Variants in CEACAM5 observed in about 807,000 individuals in gnomAD.
CEACAM5 encodes cell adhesion molecule CEACAM5.
A neutral mutation model predicts 63.0 loss-of-function variants in CEACAM5; 52 were observed. The ratio of observed to expected loss-of-function variants is 0.83; its 90% CI spans 0.66 to 1.04. CEACAM5 has a LOEUF of 1.04. Among genes scored for constraint, CEACAM5 ranks in the 50% least tolerant of loss-of-function variants. The pLI is 0.00. For missense variants in CEACAM5, 790 were observed against 864.8 expected, an observed-to-expected ratio of 0.91 and a Z score of 1.08; for synonymous variants, 357 against 351.3, an observed-to-expected ratio of 1.02 and a Z score of -0.18.
chr19:41,723,374 G>A (rs1401471836), intron 8 of CEACAM5, among the ~76,000 whole-genome samples: 2 of 152,166 alleles, frequency 1.3e-5, no homozygotes, highest in Non-Finnish European at 2.9e-5. Context: ...GTGAGGTGGA[G>A]TATCATTGTG....
At chr19:41,725,720 T>G (rs782440864) in intron 8 of CEACAM5, among the ~76,000 whole-genome samples, 3 of 152,230 alleles carry the variant, frequency 2.0e-5, no homozygotes, top group Non-Finnish European at 4.4e-5. Context: ...TTTTTCTTAG[T>G]CAATCTAATA....
rs928190611 is a variant in CEACAM5 at position 41,721,010 on chromosome 19, C to T, written c.1860C>T (p.Asn620=). The T allele has an allele frequency of 9.3e-6, 15 of 1,614,190 alleles. No individual in the cohort carries two copies. The highest frequency in any genetic ancestry group is 1.3e-5 in the Non-Finnish European group (15 of 1,180,044). Residue 620 remains asparagine, a synonymous_variant, in exon 8 of 10, where the codon AAC becomes AAT. Coordinates refer to ENST00000221992, the MANE Select transcript of CEACAM5 (RefSeq NM_004363.6). ...ACCTCTCCTGCCACTCGGCCTCTAA[C>T]CCATCCCCGCAGTATTCTTGGCGTA... is the stretch of plus-strand genomic sequence containing the variant. ...NLNLSCHSAS[N]PSPQYSWRIN... is the part of the protein sequence containing the mutation.
chr19:41,723,155 G>A (rs1356047439), intron 8 of CEACAM5, among the ~76,000 whole-genome samples: 9 of 151,874 alleles, frequency 5.9e-5, no homozygotes, highest in South Asian at 2.1e-4. Context: ...CTCGTGATCC[G>A]CCTGCCTTGG....
chr19:41,711,221 G>C (rs1163002896), intron 2 of CEACAM5, among the ~76,000 whole-genome samples: 1 of 152,074 alleles, frequency 6.6e-6, no homozygotes, highest in South Asian at 2.1e-4. Context: ...CAACAGTCAG[G>C]GTCAGTGCCG....
In CEACAM5 at chr19:41,715,830, G is replaced by A. The variant is rs1600462781; in HGVS notation, c.884G>A (p.Gly295Glu). 2 of 1,614,126 alleles carry A rather than the reference G, an allele frequency of 1.2e-6. No homozygotes were observed. The highest frequency in any genetic ancestry group is 1.7e-6 in the Non-Finnish European group (2 of 1,180,006). The change falls in exon 4 of 10, where the codon GGA becomes GAA. Residue 295 changes from glycine to glutamate, a missense_variant. Physicochemically the swap from Gly to Glu is moderately conservative, Grantham distance 98 (BLOSUM62 -2). Transcript: ENST00000221992. ...FIPNITVNNS[G>E]SYTCQAHNSD... ...CCCAACATCACTGTGAATAATAGTG[G>A]ATCCTATACGTGCCAAGCCCATAAC...
At chr19:41,724,123 T>C (rs971526083) in intron 8 of CEACAM5, among the ~76,000 whole-genome samples, 9 of 152,174 alleles carry the variant, frequency 5.9e-5, no homozygotes, top group African/African-American at 1.9e-4. Flanking sequence ...TTTAGGTCTT[T>C]GATCCATTTT....
intron 9 of CEACAM5, among the ~76,000 whole-genome samples, chr19:41,728,448 T>C (rs1342112505): frequency 2.0e-5 from 3 of 152,068 alleles, no homozygotes; most frequent in African/African-American, 7.2e-5. Flanking sequence ...TCTAAATAGG[T>C]AGGACTTGGG....
intron 4 of CEACAM5, among the ~76,000 whole-genome samples, chr19:41,716,449 G>A (rs953786738): frequency 6.6e-6 from 1 of 152,230 alleles, no homozygotes; most frequent in Non-Finnish European, 1.5e-5. Context: ...TGTGGAGAAG[G>A]AGCCCGGGTG....
chr19:41,728,423 A>AT (rs1568714413), intron 9 of CEACAM5, among the ~76,000 whole-genome samples: 1 of 152,212 alleles, frequency 6.6e-6, no homozygotes, highest in Non-Finnish European at 1.5e-5. Flanking sequence ...TGTAGCCAGG[A>AT]TGGAGAAACC....
At chr19:41,713,832 C>T (rs963752644) in intron 2 of CEACAM5, among the ~76,000 whole-genome samples, 9 of 152,228 alleles carry the variant, frequency 5.9e-5, no homozygotes, top group Non-Finnish European at 1.2e-4. Flanking sequence ...TTCCACCAGT[C>T]AGTTCTGCAT....
At chr19:41,724,041 T>C (rs183335525) in intron 8 of CEACAM5, among the ~76,000 whole-genome samples, 74 of 152,310 alleles carry the variant, frequency 4.9e-4, no homozygotes, top group Non-Finnish European at 3.8e-4. Flanking sequence ...AAGACATGAC[T>C]GTGAAATTAA....
intron 8 of CEACAM5, among the ~76,000 whole-genome samples, chr19:41,721,679 G>A (rs2059987307): frequency 6.6e-6 from 1 of 152,252 alleles, no homozygotes; most frequent in Admixed American, 6.5e-5. Flanking sequence ...CCCGGTGACT[G>A]GCTCTGCCCT....
chr19:41,719,780 C>T (rs2072587699), intron 6 of CEACAM5, 150 bp from the exon 7 acceptor site: 11 of 1,412,726 alleles, frequency 7.8e-6, no homozygotes, highest in African/African-American at 4.3e-5. Flanking sequence ...CTCAGATCAT[C>T]GTACATCTGT....
chr19:41,715,520 T>C (rs1568703692), intron 3 of CEACAM5, 130 bp from the exon 4 acceptor site: 3 of 1,288,784 alleles, frequency 2.3e-6, no homozygotes, highest in Non-Finnish European at 3.3e-6. Context: ...GCTCAGTAGA[T>C]ACAAGAGGGG....
chr19:41,719,083 G>C (rs1278187103), intron 6 of CEACAM5, among the ~76,000 whole-genome samples: 1 of 152,214 alleles, frequency 6.6e-6, no homozygotes, highest in Non-Finnish European at 1.5e-5. Flanking sequence ...CCGGCTGTAT[G>C]AGATTGTGGG....
At chr19:41,717,228 A>G (rs574526276) in intron 4 of CEACAM5, among the ~76,000 whole-genome samples, 14 of 152,350 alleles carry the variant, frequency 9.2e-5, no homozygotes, top group African/African-American at 3.4e-4. Context: ...CTACTGCCCA[A>G]TTCACACTTG....
intron 7 of CEACAM5, among the ~76,000 whole-genome samples, chr19:41,720,432 C>T (rs1414129497): frequency 2.0e-5 from 3 of 151,944 alleles, no homozygotes; most frequent in Non-Finnish European, 4.4e-5. Context: ...GAGTCCACAG[C>T]CTATGATGGG....
intron 6 of CEACAM5, 40 bp from the exon 7 acceptor site, chr19:41,719,890 A>G (rs782366008): frequency 8.7e-6 from 14 of 1,610,804 alleles, no homozygotes; most frequent in East Asian, 6.7e-5. Flanking sequence ...AGGAATCAAA[A>G]GTGCCACACA....
At chr19:41,722,203 A>AG (rs1209948641) in intron 8 of CEACAM5, among the ~76,000 whole-genome samples, 1 of 151,222 alleles carries the variant, frequency 6.6e-6, no homozygotes, top group Non-Finnish European at 1.5e-5. Flanking sequence ...TTCAAGATAC[A>AG]GAAAAAAAAA....
Sources: gnomAD v4.1 joint callset for allele counts (sites outside exome capture counted in the v4.1 genomes callset) on GRCh38, gnomAD v4.1.1 for gene constraint, MANE v1.5 for transcripts, NCBI Gene and HGNC (gene_info 2026-07-23, HGNC 2026-07-21) for gene names.